Variants in ARSL observed in about 807,000 individuals in gnomAD.
The protein encoded by ARSL is arylsulfatase L.
Under a neutral mutation model 31.1 loss-of-function variants are expected in ARSL, and 4 were observed. The ratio of observed to expected loss-of-function variants is 0.13; its 90% confidence interval spans 0.06 to 0.29. The LOEUF (loss-of-function observed/expected upper bound fraction) is 0.29. Among genes scored for constraint, ARSL ranks in the 10% least tolerant of loss-of-function variants. The pLI is 1.00. For synonymous variants in ARSL, 198 were observed against 209.9 expected, an observed-to-expected ratio of 0.94 and a Z score of 0.49; for missense variants, 312 against 497.8, an observed-to-expected ratio of 0.63 and a Z score of 3.55.
At chrX:2,938,371 T>A (rs1466896916) in intron 8 of ARSL, 114 bp from the exon 9 acceptor site, 3 of 931,248 alleles carry the variant, frequency 3.2e-6, no homozygotes, top group African/African-American at 4.2e-5. Flanking sequence ...TCTCCCTGAG[T>A]CTCTCAATTT....
intron 5 of ARSL, among the ~76,000 whole-genome samples, chrX:2,951,800 T>TA (rs35592318): frequency 0.023 from 1,975 of 84,169 alleles, 66 homozygotes; most frequent in African/African-American, 0.085. Flanking sequence ...GTACCCTGTT[T>TA]AAAAAAAAAA....
intron 8 of ARSL, among the ~76,000 whole-genome samples, chrX:2,941,294 G>A (rs2089279149): frequency 3.1e-5 from 3 of 95,256 alleles, no homozygotes; most frequent in Admixed American, 1.3e-4. Context: ...TCGCTTTGTC[G>A]CCCAGGCTGG....
At position 2,955,443 on chromosome X, in the gene ARSL, G is replaced by A. The variant is rs141210068; in HGVS notation, c.280C>T (p.Leu94Phe). The A allele has an allele frequency of 1.4e-4, 167 of 1,210,723 alleles. No individual in the cohort carries two copies. Among genetic ancestry groups the A allele is most frequent in the Non-Finnish European group, 1.8e-4 (159 of 895,330 alleles). ...GATCGCACAGGGTATCTGCCCGTGA[G>A]GAAGGCGGCTCTGCTTGGGGTGCAC... ...SLCTPSRAAF[L>F]TGRYPVRSGM... is the part of the protein sequence containing the mutation. Residue 94 changes from leucine to phenylalanine, a missense_variant, in exon 4 of 11, where the codon CTC becomes TTC. Coordinates refer to ENST00000381134, the MANE Select transcript of ARSL (RefSeq NM_000047.3).
At chrX:2,960,862 C>G (rs1052249122) in intron 1 of ARSL, among the ~76,000 whole-genome samples, 2 of 110,959 alleles carry the variant, frequency 1.8e-5, no homozygotes, top group Non-Finnish European at 3.8e-5. Context: ...AAGGGGGAAG[C>G]GGGGAAAGAT....
chrX:2,953,822 G>C (rs758775127), intron 4 of ARSL, among the ~76,000 whole-genome samples: 27 of 110,953 alleles, frequency 2.4e-4, no homozygotes, highest in Non-Finnish European at 4.3e-4. Context: ...GGGCTCAACT[G>C]ATCCTCCCAC....
chrX:2,947,003 GCAAGACCC>G (rs770643361), intron 6 of ARSL, among the ~76,000 whole-genome samples: 1 of 110,934 alleles, frequency 9.0e-6, no homozygotes, highest in Admixed American at 9.6e-5. Context: ...GGGAAACATA[GCAAGACCC>G]CATCTCTACT....
chrX:2,967,638 A>G (rs2089708985), upstream of ARSL, among the ~76,000 whole-genome samples: 1 of 112,289 alleles, frequency 8.9e-6, no homozygotes, highest in Non-Finnish European at 1.9e-5. Context: ...AATACAATGC[A>G]ATAGAAATAA....
chrX:2,960,342 G>GAAAGAAA, intron 2 of ARSL, 36 bp downstream of exon 2: 1 of 800,738 alleles, frequency 1.2e-6, no homozygotes, highest in African/African-American at 2.1e-5. Context: ...AAGAAAGAAA[G>GAAAGAAA]GAGACTACTA....
intron 3 of ARSL, among the ~76,000 whole-genome samples, chrX:2,956,435 C>G (rs187397016): frequency 9.0e-6 from 1 of 111,165 alleles, no homozygotes. Flanking sequence ...TTACAGGCAA[C>G]GACACTGATT....
At position 2,953,205 on chromosome X, in the gene ARSL, G is replaced by A. The variant is rs199529414; in HGVS notation, c.368C>T (p.Pro123Leu). 4.1e-6 allele frequency: 5 copies of A among 1,210,345 alleles called. No individual in the cohort carries two copies. Among genetic ancestry groups the A allele is most frequent in the Non-Finnish European group, 5.6e-6 (5 of 894,370 alleles). Residue 123 changes from proline (P) to leucine (L), a missense_variant, in exon 5 of 11, where the codon CCA (proline) becomes CTA (leucine). Pro to Leu is a moderately conservative substitution (Grantham distance 98, BLOSUM62 -3). Transcript: ENST00000381134. ...TTTTGCAAAAGTTGTCTCATTTGTT[G>A]GAAGACCTCCAGATGCTCCGGTCCA... Reference protein sequence around the residue: ...LQWTGASGGLPTNETTFAKIL... With the variant: ...LQWTGASGGLLTNETTFAKIL...
At position 2,951,007 on chromosome X, in the gene ARSL, C is replaced by T. The variant is rs906399962; in HGVS notation, c.431-1280G>A. Among the ~76,000 whole-genome samples, 3 of 111,637 alleles carry T rather than the reference C, an allele frequency of 2.7e-5. No individual in the cohort carries two copies. In the East Asian group the frequency reaches 8.4e-4, roughly 31 times the overall value. ...ACCTCCATGTTAAACGAAGCCTTGT[C>T]CTTGCACAGTGGGCCCAGCTGGATA... On this transcript the variant is annotated intron_variant, in intron 5 of 10. Transcript: ENST00000381134.
chrX:2,952,024 C>T (rs2089470703), intron 5 of ARSL, among the ~76,000 whole-genome samples: 1 of 110,781 alleles, frequency 9.0e-6, no homozygotes, highest in Non-Finnish European at 1.9e-5. Context: ...ACAATCATTA[C>T]TATAACACAA....
upstream of ARSL, chrX:2,964,497 T>C (rs1456624489): frequency 1.3e-6 from 1 of 745,840 alleles, no homozygotes; most frequent in Admixed American, 8.8e-5. Context: ...TTTTATTTTT[T>C]GTAGAGACGG....
chrX:2,960,175 A>G (rs551330241), intron 2 of ARSL, among the ~76,000 whole-genome samples: 2 of 78,829 alleles, frequency 2.5e-5, no homozygotes, highest in South Asian at 8.5e-4. Context: ...AGGCTGAGGC[A>G]GGAGAATGGT....
chrX:2,964,700 G>A (rs2089683270), upstream of ARSL: 1 of 115,263 alleles, frequency 8.7e-6, no homozygotes, highest in Admixed American at 9.6e-5. Context: ...CTGGCATGGT[G>A]GCTCATGCCT....
At chrX:2,936,614 G>A (rs1381412610) in intron 10 of ARSL, 128 bp downstream of exon 10, 9 of 925,772 alleles carry the variant, frequency 9.7e-6, no homozygotes, top group Non-Finnish European at 1.4e-5. Context: ...GGAGAAAAAC[G>A]GAAGTGCGGA....
At chrX:2,949,257 C>T (rs781444988) in intron 6 of ARSL, 47 bp downstream of exon 6, 3 of 1,198,258 alleles carry the variant, frequency 2.5e-6, no homozygotes, top group Non-Finnish European at 3.4e-6. Context: ...GATGCGTTTT[C>T]ATTCCAAAGC....
At chrX:2,961,633 TA>T (rs1569112380) in intron 1 of ARSL, among the ~76,000 whole-genome samples, 1 of 112,152 alleles carries the variant, frequency 8.9e-6, no homozygotes, top group Non-Finnish European at 1.9e-5. Context: ...TTTGCATCTG[TA>T]AAGATGTAAA....
chrX:2,944,509 C>CCA lies in ARSL; in HGVS notation c.992-1312_992-1311dup, dbSNP rs56916363. On this transcript the variant is annotated intron_variant, in intron 7 of 10. Coordinates refer to ENST00000381134, the MANE Select transcript of ARSL (RefSeq NM_000047.3). ...AAACAAAACAAAAAGTGAGACCCTGCCACACACACACACACAATTAACTTT... is the reference window on the plus strand; with the variant it reads ...AAACAAAACAAAAAGTGAGACCCTGCCACACACACACACACACAATTAACTTT... Among the ~76,000 whole-genome samples, 622 of 106,851 alleles carry CCA rather than the reference C, an allele frequency of 5.8e-3. 5 individuals are homozygous for CCA. Among genetic ancestry groups the CCA allele is most frequent in the African/African-American group, 0.02 (585 of 29,474 alleles). The allele number at this position is 106,851 out of a possible 115,157, so 92.8% of individuals were successfully genotyped here.
Sources: allele counts gnomAD v4.1 joint callset (sites outside exome capture counted in the v4.1 genomes callset), GRCh38; gene constraint gnomAD v4.1.1; transcripts MANE v1.5; gene names NCBI Gene and HGNC (gene_info 2026-07-23, HGNC 2026-07-21).